Variants in KIF6 observed in about 807,000 individuals in gnomAD.
KIF6 encodes kinesin family member 6, also known as kinesin-like protein KIF6.
Under a neutral mutation model 112.7 loss-of-function variants are expected in KIF6, and 106 were observed. The observed-to-expected ratio is 0.94, with a 90% CI of 0.80 to 1.11. The LOEUF (loss-of-function observed/expected upper bound fraction) is 1.11, where lower values mean the gene tolerates loss of function less well. KIF6 is among the 50% of genes least tolerant of loss of function. The probability of loss-of-function intolerance (pLI) is 0.00; values close to 1 mark genes in which losing one functional copy is unlikely to be tolerated. For missense variants in KIF6, 929 were observed against 964.0 expected (o/e 0.96, Z 0.48); for synonymous variants, 339 against 339.9 (o/e 1.00, Z 0.03).
chr6:39,695,525 C>A (rs1297875260), intron 3 of KIF6, among the ~76,000 whole-genome samples: 1 of 152,056 alleles, frequency 6.6e-6, no homozygotes, highest in South Asian at 2.1e-4. Context: ...AGAAGATATA[C>A]AAATGGGCAA....
intron 13 of KIF6, 137 bp downstream of exon 13, chr6:39,539,866 T>A (rs1778688050): frequency 1.5e-6 from 1 of 673,134 alleles, no homozygotes; most frequent in Non-Finnish European, 2.5e-6. Context: ...TGGTATTTAA[T>A]TTAAGATAAT....
At chr6:39,644,024 C>T (rs1234345623) in intron 3 of KIF6, among the ~76,000 whole-genome samples, 3 of 151,894 alleles carry the variant, frequency 2.0e-5, no homozygotes, top group South Asian at 2.1e-4. Context: ...GCAACAGATT[C>T]GAATAGACAT....
chr6:39,368,629 A>C (rs182037249), intron 16 of KIF6, among the ~76,000 whole-genome samples: 28 of 152,220 alleles, frequency 1.8e-4, no homozygotes, highest in African/African-American at 6.5e-4. Flanking sequence ...TAATAACCGA[A>C]ATCCATGACC....
chr6:39,549,804 G>A (rs143763355), intron 10 of KIF6, among the ~76,000 whole-genome samples: 1 of 152,194 alleles, frequency 6.6e-6, no homozygotes, highest in Non-Finnish European at 1.5e-5. Context: ...ACATAGTTAA[G>A]CAGCAATTTA....
At chr6:39,718,356 G>A (rs1246474030) in intron 2 of KIF6, 1 of 151,700 alleles carries the variant, frequency 6.6e-6, no homozygotes. Flanking sequence ...GTTGTTTTAT[G>A]TAATAGATTT....
At chr6:39,568,185 T>A (rs1226847559) in intron 10 of KIF6, among the ~76,000 whole-genome samples, 1 of 152,136 alleles carries the variant, frequency 6.6e-6, no homozygotes, top group African/African-American at 2.4e-5. Flanking sequence ...AATGAAACAT[T>A]AAACAGGACA....
intron 10 of KIF6, among the ~76,000 whole-genome samples, chr6:39,572,245 C>T (rs578001192): frequency 5.3e-4 from 80 of 152,188 alleles, no homozygotes; most frequent in Non-Finnish European, 9.9e-4. Flanking sequence ...CATTTATTCT[C>T]TCCATTAATA....
intron 13 of KIF6, among the ~76,000 whole-genome samples, chr6:39,536,357 A>T (rs1163132139): frequency 6.6e-6 from 1 of 152,202 alleles, no homozygotes; most frequent in African/African-American, 2.4e-5. Context: ...AATCAAATAG[A>T]TGCAATAAAA....
intron 5 of KIF6, among the ~76,000 whole-genome samples, chr6:39,620,076 T>C (rs2150733236): frequency 6.6e-6 from 1 of 152,288 alleles, no homozygotes; most frequent in South Asian, 2.1e-4. Context: ...CAAAAGTGAA[T>C]ATTTTAGATA....
intron 3 of KIF6, among the ~76,000 whole-genome samples, chr6:39,652,967 T>C (rs1329418288): frequency 6.6e-6 from 1 of 152,176 alleles, no homozygotes; most frequent in Non-Finnish European, 1.5e-5. Context: ...CAGAAGTTAG[T>C]AGGAAAAAAT....
chr6:39,411,199 G>A (rs1305016762), intron 15 of KIF6, among the ~76,000 whole-genome samples: 5 of 152,198 alleles, frequency 3.3e-5, no homozygotes, highest in Non-Finnish European at 5.9e-5. Context: ...AGGGCCAGCC[G>A]GTTACAAGAG....
chr6:39,642,643 T>G (rs1157607902), intron 3 of KIF6, among the ~76,000 whole-genome samples: 1 of 149,072 alleles, frequency 6.7e-6, no homozygotes, highest in African/African-American at 2.4e-5. Flanking sequence ...TGGCAAGTGT[T>G]TAACATCACA....
At chr6:39,574,743 A>G (rs945058151) in intron 10 of KIF6, among the ~76,000 whole-genome samples, 14 of 152,126 alleles carry the variant, frequency 9.2e-5, no homozygotes, top group Non-Finnish European at 2.9e-5. Flanking sequence ...CCTCTGCATC[A>G]TCTCTATTTT....
intron 13 of KIF6, among the ~76,000 whole-genome samples, chr6:39,534,842 C>T (rs1324047943): frequency 1.3e-5 from 2 of 152,294 alleles, no homozygotes; most frequent in East Asian, 3.9e-4. Flanking sequence ...AAGGGAAGCC[C>T]ATCAGACTAA....
intron 2 of KIF6, 101 bp downstream of exon 2, chr6:39,720,601 C>G: frequency 1.5e-6 from 1 of 680,718 alleles, no homozygotes; most frequent in Non-Finnish European, 2.6e-6. Flanking sequence ...TTGCATTTTC[C>G]ACAAGAAATG....
At chr6:39,463,391 T>A (rs1246661340) in intron 13 of KIF6, among the ~76,000 whole-genome samples, 1 of 152,210 alleles carries the variant, frequency 6.6e-6, no homozygotes, top group African/African-American at 2.4e-5. Context: ...AAACATGTTA[T>A]TTTTTCAGAT....
chr6:39,615,557 T>C (rs145675797), intron 5 of KIF6, among the ~76,000 whole-genome samples: 2 of 146,492 alleles, frequency 1.4e-5, no homozygotes, highest in East Asian at 4.1e-4. Flanking sequence ...GAGATTCTGA[T>C]TTGATTGGTC....
At chr6:39,582,797 C>T (rs4714264) in intron 9 of KIF6, among the ~76,000 whole-genome samples, 81,175 of 152,002 alleles carry the variant, frequency 0.53, 23,876 homozygotes, top group African/African-American at 0.79. Flanking sequence ...AAAAGTAAGA[C>T]ATAGGAAATG....
intron 3 of KIF6, among the ~76,000 whole-genome samples, chr6:39,681,422 G>A (rs1427793372): frequency 6.6e-6 from 1 of 152,106 alleles, no homozygotes; most frequent in Admixed American, 6.5e-5. Context: ...ACCTGAGGAT[G>A]TAGCTTTTTA....
Sources: allele counts gnomAD v4.1 joint callset (sites outside exome capture counted in the v4.1 genomes callset), GRCh38; gene constraint gnomAD v4.1.1; transcripts MANE v1.5; gene names NCBI Gene and HGNC (gene_info 2026-07-23, HGNC 2026-07-21).